Variants in GGA2 observed in about 807,000 individuals in gnomAD.
GGA2 encodes the protein ADP-ribosylation factor-binding protein GGA2.
A neutral mutation model predicts 79.5 loss-of-function variants in GGA2; 48 were observed. That is an observed-to-expected ratio of 0.60 (90% CI 0.48 to 0.77). The LOEUF (loss-of-function observed/expected upper bound fraction) is 0.77, where lower values mean the gene tolerates loss of function less well. Ranked by LOEUF, GGA2 falls within the 30% of genes least tolerant of loss-of-function variation. The probability of loss-of-function intolerance (pLI) is 0.00; values close to 1 mark genes in which losing one functional copy is unlikely to be tolerated. For missense variants in GGA2, 770 were observed against 774.0 expected (o/e 0.99, Z 0.06); for synonymous variants, 317 against 302.0 (o/e 1.05, Z -0.51).
intron 16 of GGA2, among the ~76,000 whole-genome samples, chr16:23,468,462 C>T (rs1964469911): frequency 6.7e-6 from 1 of 149,194 alleles, no homozygotes; most frequent in African/African-American, 2.5e-5. Context: ...AGGCGTGAGC[C>T]ACTGCACCTG....
intron 5 of GGA2, 41 bp from the exon 6 acceptor site, chr16:23,488,750 C>A: frequency 1.8e-6 from 2 of 1,087,986 alleles, no homozygotes; most frequent in Non-Finnish European, 2.8e-6. Flanking sequence ...CGATATGGTA[C>A]CCAGAAACTT....
At chr16:23,524,103 C>A (rs1306344252), upstream of GGA2, 3 of 516,338 alleles carry the variant, frequency 5.8e-6, no homozygotes, top group African/African-American at 3.8e-5. Context: ...TAACTCCAAA[C>A]CTCTGCTGTG....
intron 2 of GGA2, among the ~76,000 whole-genome samples, chr16:23,517,835 G>C (rs1285672104): frequency 6.6e-6 from 1 of 152,002 alleles, no homozygotes; most frequent in South Asian, 2.1e-4. Context: ...TCCTAACCTC[G>C]TGATCTGCCT....
chr16:23,522,087 G>A, upstream of GGA2: 1 of 303,242 alleles, frequency 3.3e-6, no homozygotes, highest in Non-Finnish European at 6.6e-6. Context: ...ACCTGGGAGA[G>A]GGTGAGGCTC....
intron 14 of GGA2, 75 bp downstream of exon 14, chr16:23,474,829 G>T: frequency 9.0e-7 from 1 of 1,106,484 alleles, no homozygotes. Flanking sequence ...CTATCAAACT[G>T]GAGTGGAAAA....
intron 3 of GGA2, 96 bp from the exon 4 acceptor site, chr16:23,493,554 C>CCAAGGCTAACCCTGCCT: frequency 1.3e-6 from 1 of 789,478 alleles, no homozygotes; most frequent in Non-Finnish European, 2.2e-6. Flanking sequence ...TGCGCTGGAA[C>CCAAGGCTAACCCTGCCT]CAAGGCTAAC....
At chr16:23,478,612 G>T in intron 12 of GGA2, 111 bp from the exon 13 acceptor site, 1 of 1,043,682 alleles carries the variant, frequency 9.6e-7, no homozygotes, top group Non-Finnish European at 1.5e-6. Context: ...GGCCCAGACT[G>T]GTGACATCTC....
rs752879361 is a variant in GGA2 at position 23,478,715 on chromosome 16, G to C, written c.1158+168C>G. ...AGCCTGGTGCAACCTGTCTCCCCCA[G>C]GTATCAGCCAGACAGTATGGGTGAG... is the stretch of plus-strand genomic sequence containing the variant. On this transcript the variant is annotated intron_variant, in intron 12 of 16. Coordinates refer to ENST00000309859, the MANE Select transcript of GGA2 (RefSeq NM_015044.4). 9.0e-5 allele frequency: 66 copies of C among 735,712 alleles called. No homozygotes were observed. The African/African-American group carries it at 9.1e-4, about 10-fold the overall frequency. 45.6% of individuals were successfully genotyped at this position (735,712 alleles called of 1,614,324 possible).
chr16:23,506,274 C>CT (rs1258735718), intron 1 of GGA2, among the ~76,000 whole-genome samples: 1 of 152,048 alleles, frequency 6.6e-6, no homozygotes, highest in African/African-American at 2.4e-5. Context: ...CCACGACCCC[C>CT]TTATCCCTCC....
chr16:23,510,311 G>T lies in GGA2; in HGVS notation c.91+10C>A. 1.4e-6 allele frequency: 2 copies of T among 1,426,268 alleles called. No homozygotes were observed. The highest frequency in any genetic ancestry group is 1.8e-6 in the Non-Finnish European group (2 of 1,085,934). 88.4% of individuals were successfully genotyped at this position (1,426,268 alleles called of 1,614,324 possible). On this transcript the variant is annotated intron_variant, in intron 1 of 16. Coordinates refer to ENST00000309859, the MANE Select transcript of GGA2 (RefSeq NM_015044.4). ...CAGCGGCTGCGCCGAAGGCCTGCCAGGCTACTCACTGAGCCACAGCTCCAG... is the reference window on the plus strand; with the variant it reads ...CAGCGGCTGCGCCGAAGGCCTGCCATGCTACTCACTGAGCCACAGCTCCAG...
chr16:23,481,588 C>CA (rs1964649241), intron 9 of GGA2, among the ~76,000 whole-genome samples: 1 of 151,438 alleles, frequency 6.6e-6, no homozygotes, highest in South Asian at 2.1e-4. Flanking sequence ...GCCTGGCCAA[C>CA]ATGGCAAAAC....
At chr16:23,467,864 C>G (rs1189060176) in intron 16 of GGA2, among the ~76,000 whole-genome samples, 164 bp from the exon 17 acceptor site, 2 of 152,144 alleles carry the variant, frequency 1.3e-5, no homozygotes, top group African/African-American at 4.8e-5. Flanking sequence ...CCTGGGAACC[C>G]TTCGATAATT....
At chr16:23,485,915 C>T (rs966183989) in intron 8 of GGA2, 100 bp downstream of exon 8, 21 of 1,084,770 alleles carry the variant, frequency 1.9e-5, no homozygotes, top group East Asian at 7.3e-5. Flanking sequence ...ATATGTTTAC[C>T]GTCTTGACTC....
At chr16:23,510,255 G>A in intron 1 of GGA2, 66 bp downstream of exon 1, 2 of 1,072,860 alleles carry the variant, frequency 1.9e-6, no homozygotes, top group South Asian at 1.9e-5. Flanking sequence ...CAAGGCCCCG[G>A]GAGGCGGGAA....
At chr16:23,498,337 GCAT>G (rs1018324380) in intron 1 of GGA2, among the ~76,000 whole-genome samples, 1 of 151,718 alleles carries the variant, frequency 6.6e-6, no homozygotes, top group African/African-American at 2.4e-5. Context: ...CTACTCAGGA[GCAT>G]CACTTGAGCC....
upstream of GGA2, chr16:23,522,904 C>T (rs1965162586): frequency 2.0e-5 from 3 of 152,270 alleles, 1 homozygote; most frequent in South Asian, 6.2e-4. Flanking sequence ...TTGCACACTC[C>T]CATGGCTATT....
At chr16:23,520,820 G>A (rs942180907) in intron 1 of GGA2, among the ~76,000 whole-genome samples, 1 of 152,010 alleles carries the variant, frequency 6.6e-6, no homozygotes, top group Admixed American at 6.6e-5. Flanking sequence ...ACAGAGTGTC[G>A]CTCTGTTCCC....
intron 4 of GGA2, among the ~76,000 whole-genome samples, chr16:23,492,707 G>A (rs922695236): frequency 6.6e-6 from 1 of 152,126 alleles, no homozygotes; most frequent in Non-Finnish European, 1.5e-5. Context: ...ATCATTCTAG[G>A]GAATTATGGA....
chr16:23,474,558 A>C (rs1434080927), intron 14 of GGA2, among the ~76,000 whole-genome samples: 1 of 151,954 alleles, frequency 6.6e-6, no homozygotes, highest in African/African-American at 2.4e-5. Flanking sequence ...GGGCTTCGTT[A>C]TGTTGGCCAG....
Sources: allele counts gnomAD v4.1 joint callset (sites outside exome capture counted in the v4.1 genomes callset), GRCh38; gene constraint gnomAD v4.1.1; transcripts MANE v1.5; gene names NCBI Gene and HGNC (gene_info 2026-07-23, HGNC 2026-07-21).